TNIP3: variants seen among roughly 807,000 people sequenced by gnomAD.
The protein encoded by TNIP3 is TNFAIP3 interacting protein 3.
In TNIP3, 34 loss-of-function variants were observed where a neutral mutation model predicts 54.1. That is an observed-to-expected ratio of 0.63 (90% CI 0.48 to 0.84). The LOEUF (loss-of-function observed/expected upper bound fraction) is 0.84, where lower values mean the gene tolerates loss of function less well. TNIP3 is among the 40% of genes least tolerant of loss of function. TNIP3 has a pLI of 0.00. For missense variants in TNIP3, 366 were observed against 387.6 expected (o/e 0.94, Z 0.47); for synonymous variants, 134 against 136.8 (o/e 0.98, Z 0.14).
At position 121,154,587 on chromosome 4, in the gene TNIP3, C is replaced by T. The variant is rs1459060271; in HGVS notation, c.456G>A (p.Lys152=). The T allele has an allele frequency of 2.5e-6, 4 of 1,613,890 alleles. No homozygotes were observed. The highest frequency in any genetic ancestry group is 2.2e-5 in the South Asian group (2 of 91,060). The part of the protein sequence containing the change: ...KGKNTLANKE[K]EHYECEIKRL... ...GTTTTATTTCACATTCGTAATGTTC[C>T]TTTTCCTTGTTCGCAAGAGTATTTT... The change falls in exon 5 of 11, where the codon AAG becomes AAA. Residue 152 remains lysine (K), a synonymous_variant. Coordinates refer to ENST00000057513, the MANE Select transcript of TNIP3 (RefSeq NM_024873.6).
chr4:121,184,235 A>T (rs910340192), intron 2 of TNIP3, among the ~76,000 whole-genome samples: 7 of 152,130 alleles, frequency 4.6e-5, no homozygotes, highest in Non-Finnish European at 1.0e-4. Flanking sequence ...TTGCAGGAGT[A>T]CTTCTCAAAG....
chr4:121,169,140 A>T (rs1162847116), upstream of TNIP3, among the ~76,000 whole-genome samples: 4 of 151,836 alleles, frequency 2.6e-5, no homozygotes, highest in Non-Finnish European at 4.4e-5. Context: ...TTCCCATGTC[A>T]CTCATAGTGA....
intron 7 of TNIP3, among the ~76,000 whole-genome samples, chr4:121,143,933 C>A (rs1729277155): frequency 6.6e-6 from 1 of 152,114 alleles, no homozygotes; most frequent in African/African-American, 2.4e-5. Flanking sequence ...CATGAAATCA[C>A]CAACAAATAG....
At chr4:121,199,654 C>G (rs1163063604) in intron 2 of TNIP3, among the ~76,000 whole-genome samples, 1 of 152,124 alleles carries the variant, frequency 6.6e-6, no homozygotes, top group Non-Finnish European at 1.5e-5. Context: ...GTGTGTGCAC[C>G]AAGCTTCAAC....
At chr4:121,203,130 T>C (rs538348805) in intron 2 of TNIP3, among the ~76,000 whole-genome samples, 1 of 152,068 alleles carries the variant, frequency 6.6e-6, no homozygotes, top group African/African-American at 2.4e-5. Context: ...TGTAGAAGCA[T>C]GTTTATAGCA....
At chr4:121,176,412 A>G (rs989905108) in intron 3 of TNIP3, among the ~76,000 whole-genome samples, 2 of 152,120 alleles carry the variant, frequency 1.3e-5, no homozygotes. Flanking sequence ...TTCCACAGCT[A>G]CAACCTTTGA....
intron 2 of TNIP3, among the ~76,000 whole-genome samples, chr4:121,197,579 T>G (rs966342608): frequency 2.7e-5 from 4 of 149,390 alleles, no homozygotes; most frequent in African/African-American, 9.9e-5. Flanking sequence ...AAAATACACA[T>G]TTGAAGTATT....
chr4:121,186,504 T>C (rs1473005745), intron 2 of TNIP3, among the ~76,000 whole-genome samples: 1 of 152,156 alleles, frequency 6.6e-6, no homozygotes, highest in African/African-American at 2.4e-5. Flanking sequence ...TCAACATGCT[T>C]TTAGAGTTGA....
chr4:121,198,291 G>A (rs1327194812), intron 2 of TNIP3, among the ~76,000 whole-genome samples: 1 of 152,116 alleles, frequency 6.6e-6, no homozygotes, highest in Non-Finnish European at 1.5e-5. Flanking sequence ...AGTAGCACAT[G>A]ACCTTCATTG....
At chr4:121,177,789 AG>A (rs1724448767) in intron 3 of TNIP3, among the ~76,000 whole-genome samples, 1 of 150,814 alleles carries the variant, frequency 6.6e-6, no homozygotes, top group Non-Finnish European at 1.5e-5. Flanking sequence ...TTTTAAATAT[AG>A]GGTTTCTTTC....
At chr4:121,180,847 T>C (rs113437864) in intron 3 of TNIP3, among the ~76,000 whole-genome samples, 3,832 of 152,310 alleles carry the variant, frequency 0.025, 161 homozygotes, top group African/African-American at 0.086. Context: ...TACCTTCCAA[T>C]AGTCATTTCA....
At chr4:121,216,638 T>C, upstream of TNIP3, 15 of 1,448,176 alleles carry the variant, frequency 1.0e-5, no homozygotes, top group Non-Finnish European at 1.4e-5. Context: ...ATGTCTTGTT[T>C]TCAGCCCTGC....
At chr4:121,175,300 CT>C (rs34891453) in intron 3 of TNIP3, among the ~76,000 whole-genome samples, 1 of 152,184 alleles carries the variant, frequency 6.6e-6, no homozygotes, top group African/African-American at 2.4e-5. Context: ...ATACCTTTGG[CT>C]TTAAGTGTCC....
At chr4:121,188,015 C>T (rs1265871437) in intron 2 of TNIP3, among the ~76,000 whole-genome samples, 1 of 151,890 alleles carries the variant, frequency 6.6e-6, no homozygotes, top group Non-Finnish European at 1.5e-5. Flanking sequence ...TTACTAAAAT[C>T]TTGATTTAAG....
upstream of TNIP3, among the ~76,000 whole-genome samples, chr4:121,219,299 T>C (rs1726935602): frequency 6.6e-6 from 1 of 152,210 alleles, no homozygotes; most frequent in Non-Finnish European, 1.5e-5. Context: ...ATGTCTTTGT[T>C]TCCATCTTTT....
At chr4:121,190,084 T>A (rs1725223451) in intron 2 of TNIP3, among the ~76,000 whole-genome samples, 1 of 152,220 alleles carries the variant, frequency 6.6e-6, no homozygotes, top group South Asian at 2.1e-4. Flanking sequence ...GGCATCCTGC[T>A]GACATAGGTT....
chr4:121,216,322 A>T, intron 2 of TNIP3: 5 of 1,095,658 alleles, frequency 4.6e-6, no homozygotes, highest in Non-Finnish European at 6.5e-6. Flanking sequence ...CTTCTCTTCT[A>T]CTCTTAATAC....
chr4:121,170,806 G>A (rs1201521702), intron 3 of TNIP3, among the ~76,000 whole-genome samples: 1 of 151,876 alleles, frequency 6.6e-6, no homozygotes, highest in Non-Finnish European at 1.5e-5. Context: ...TTCTTTCTTT[G>A]CTCGGTAAGA....
chr4:121,138,541 T>A, intron 10 of TNIP3, 83 bp downstream of exon 10: 1 of 1,304,910 alleles, frequency 7.7e-7, no homozygotes, highest in Non-Finnish European at 1.1e-6. Context: ...CAAGTACGAA[T>A]GAATGTATGT....
Sources: allele counts gnomAD v4.1 joint callset (sites outside exome capture counted in the v4.1 genomes callset), GRCh38; gene constraint gnomAD v4.1.1; transcripts MANE v1.5; gene names NCBI Gene and HGNC (gene_info 2026-07-23, HGNC 2026-07-21).